The following SMG6 variants were observed in gnomAD, a reference collection of about 807,000 sequenced individuals.
The protein encoded by SMG6 is SMG6 nonsense mediated mRNA decay factor.
A neutral mutation model predicts 142.2 loss-of-function variants in SMG6; 66 were observed. That is an observed-to-expected ratio of 0.46 (90% confidence interval 0.38 to 0.57). SMG6 has a LOEUF of 0.57. SMG6 is among the 20% of genes least tolerant of loss of function. The pLI, the probability that SMG6 is intolerant of heterozygous loss-of-function variation, is 0.00. For missense variants in SMG6, 1,793 were observed against 1,832.0 expected (o/e 0.98, Z 0.39); for synonymous variants, 779 against 702.4 (o/e 1.11, Z -1.72).
intron 13 of SMG6, chr17:2,127,721 C>A (rs2069947166): frequency 7.1e-6 from 4 of 564,618 alleles, no homozygotes; most frequent in Non-Finnish European, 1.4e-5. Flanking sequence ...ATCACTTCAT[C>A]CATTACTTGT....
chr17:2,064,626 A>G (rs2067883823), intron 18 of SMG6, among the ~76,000 whole-genome samples: 1 of 152,104 alleles, frequency 6.6e-6, no homozygotes, highest in African/African-American at 2.4e-5. Flanking sequence ...TGAACAGAGA[A>G]GGTAGGAAGG....
chr17:2,249,957 G>C (rs1015187657), intron 8 of SMG6, among the ~76,000 whole-genome samples: 1 of 152,188 alleles, frequency 6.6e-6, no homozygotes, highest in African/African-American at 2.4e-5. Flanking sequence ...TAAGTAAAAT[G>C]TTTTGGATTG....
chr17:2,061,293 C>A lies in SMG6; in HGVS notation c.*199G>T, dbSNP rs2067766617. 1.8e-6 allele frequency: 1 copy of A among 570,720 alleles called. No homozygotes were observed. The highest frequency in any genetic ancestry group is 3.1e-6 in the Non-Finnish European group (1 of 327,634). The allele number at this position is 570,720 out of a possible 1,614,324, so 35.4% of individuals were successfully genotyped here. A position where few individuals can be genotyped will look rare whatever the true frequency, so the allele number is the denominator to read the frequency against. On this transcript the variant is annotated 3_prime_UTR_variant, in exon 19 of 19. Coordinates refer to ENST00000263073, the MANE Select transcript of SMG6 (RefSeq NM_017575.5). ...TCCTGGCAGCCCAGGAGGGTCCCAG[C>A]AGCTTCCGCCCGATCCTTGGGAGGG... is the stretch of plus-strand genomic sequence containing the variant.
At chr17:2,242,356 CAAAAAA>C (rs57062488) in intron 9 of SMG6, among the ~76,000 whole-genome samples, 3 of 73,510 alleles carry the variant, frequency 4.1e-5, no homozygotes, top group Non-Finnish European at 4.9e-5. Context: ...ACTGAAGATA[CAAAAAA>C]AAAAAAAAAA....
chr17:2,088,604 GGAGA>G (rs2068629147), intron 13 of SMG6: 1 of 985,458 alleles, frequency 1.0e-6, no homozygotes, highest in African/African-American at 1.7e-5. Context: ...CTACCTGTTT[GGAGA>G]GAGAAAGGTT....
intron 13 of SMG6, chr17:2,088,459 A>T (rs1597366697): frequency 1.0e-6 from 1 of 985,266 alleles, no homozygotes; most frequent in African/African-American, 1.7e-5. Context: ...TTAGAAGGAA[A>T]TTGGTTTCCT....
Position 2,224,918 on chromosome 17 carries a change from C to A in SMG6, c.2869+11574G>T, listed in dbSNP as rs368224416. ...TTCAAAAGAGAAACAAAACAGATAGCTGACTTTAATCAACAACAGTGAAAG... is the reference window on the plus strand; with the variant it reads ...TTCAAAAGAGAAACAAAACAGATAGATGACTTTAATCAACAACAGTGAAAG... On this transcript the variant is annotated intron_variant, in intron 10 of 18. Coordinates refer to ENST00000263073, the MANE Select transcript of SMG6 (RefSeq NM_017575.5). Among the ~76,000 whole-genome samples, 184 of 152,286 alleles carry A rather than the reference C, an allele frequency of 1.2e-3. 3 individuals carry two copies. In the South Asian group the frequency reaches 0.037, roughly 31 times the overall value.
At chr17:2,164,551 C>T (rs373880616) in intron 13 of SMG6, among the ~76,000 whole-genome samples, 4 of 151,214 alleles carry the variant, frequency 2.6e-5, no homozygotes, top group Admixed American at 1.3e-4. Context: ...GAGGTTGCAG[C>T]GTGCCGAGAT....
At chr17:2,183,645 T>C (rs1408189641) in intron 12 of SMG6, among the ~76,000 whole-genome samples, 2 of 152,148 alleles carry the variant, frequency 1.3e-5, no homozygotes, top group African/African-American at 4.8e-5. Flanking sequence ...TCATGAGTCA[T>C]GAAATAGTAC....
intron 9 of SMG6, chr17:2,236,939 T>C: frequency 1.4e-6 from 1 of 716,964 alleles, no homozygotes; most frequent in Non-Finnish European, 1.8e-6. Flanking sequence ...GCAATAACTG[T>C]GTTCAAGCTA....
chr17:2,215,788 T>C lies in SMG6; in HGVS notation c.2869+20704A>G, dbSNP rs1458668066. ...GCTTTCAGCTGCCAGCAATGTGAAG[T>C]GCCCAGAGATTAATTCTACGTCTGG... On this transcript the variant is annotated intron_variant, in intron 10 of 18. Coordinates refer to ENST00000263073, the MANE Select transcript of SMG6 (RefSeq NM_017575.5). 7 of 140,564 alleles carry C rather than the reference T, an allele frequency of 5.0e-5. No homozygotes were observed. The East Asian group carries it at 1.4e-3, about 28-fold the overall frequency. 8.7% of individuals were successfully genotyped at this position (140,564 alleles called of 1,614,324 possible).
rs2073485389 is a variant in SMG6, at chr17:2,231,292, T to C, written c.2869+5200A>G. On this transcript the variant is annotated intron_variant, in intron 10 of 18. Transcript: ENST00000263073. ...ACATCCCACACCTACAAGTTAAAGC[T>C]ATCAGTCCTATACAGACAGCTGTAG... Among the ~76,000 whole-genome samples the C allele has an allele frequency of 2.0e-5, 3 of 152,166 alleles. No individual in the cohort carries two copies. In the South Asian group the frequency reaches 6.2e-4, roughly 32 times the overall value.
At chr17:2,286,871 A>G (rs1188333622) in intron 6 of SMG6, among the ~76,000 whole-genome samples, 1 of 152,062 alleles carries the variant, frequency 6.6e-6, no homozygotes, top group Non-Finnish European at 1.5e-5. Context: ...AAGGTCTAGC[A>G]TCCAGAATAT....
chr17:2,298,888 G>T lies in SMG6; in HGVS notation c.1847+18C>A. On this transcript the variant is annotated intron_variant, in intron 2 of 18. Coordinates refer to ENST00000263073, the MANE Select transcript of SMG6 (RefSeq NM_017575.5). ...GCTGATCCCCATTTCCCTCCAGCCA[G>T]AATAGACCACATCATACCTGAGTTG... The T allele has an allele frequency of 6.2e-7, 1 of 1,602,858 alleles. No individual in the cohort carries two copies. Among genetic ancestry groups the T allele is most frequent in the South Asian group, 1.1e-5 (1 of 89,174 alleles).
rs987151703 is a variant in SMG6, at chr17:2,292,747, G to C, written c.2259-117C>G. ...GAGTGTTAGATGTAACCCTGGAGGG[G>C]TAAGGCATGACTACAGGGACCAATA... On this transcript the variant is annotated intron_variant, in intron 5 of 18. Coordinates refer to ENST00000263073, the MANE Select transcript of SMG6 (RefSeq NM_017575.5). 8.4e-6 allele frequency: 12 copies of C among 1,433,204 alleles called. No homozygotes were observed. The Admixed American group carries it at 2.1e-4, about 25-fold the overall frequency. 88.8% of individuals were successfully genotyped at this position (1,433,204 alleles called of 1,614,324 possible).
At chr17:2,200,940 T>C (rs1212552116) in intron 10 of SMG6, among the ~76,000 whole-genome samples, 1 of 152,212 alleles carries the variant, frequency 6.6e-6, no homozygotes, top group African/African-American at 2.4e-5. Flanking sequence ...ATTATTTATT[T>C]TTTAATTGGC....
At chr17:2,204,808 C>T (rs1280164148) in intron 10 of SMG6, among the ~76,000 whole-genome samples, 1 of 152,070 alleles carries the variant, frequency 6.6e-6, no homozygotes, top group Non-Finnish European at 1.5e-5. Flanking sequence ...ATTAAAAATA[C>T]AAAAATGAGC....
intron 8 of SMG6, among the ~76,000 whole-genome samples, chr17:2,246,982 G>C (rs983551659): frequency 6.6e-6 from 1 of 151,958 alleles, no homozygotes; most frequent in Non-Finnish European, 1.5e-5. Context: ...AAAAACACTA[G>C]AATACAAGAG....
rs191491402 is a variant in SMG6 at position 2,111,411 on chromosome 17, C to T, written c.3358-25510G>A. On this transcript the variant is annotated intron_variant, in intron 13 of 18. Coordinates refer to ENST00000263073, the MANE Select transcript of SMG6 (RefSeq NM_017575.5). ...AAAAAAGAGAGGTCCTTTCTTATCTCGCTCAAAGAGGTCCTCTGAGATCAC... is the reference window on the plus strand; with the variant it reads ...AAAAAAGAGAGGTCCTTTCTTATCTTGCTCAAAGAGGTCCTCTGAGATCAC... Among the ~76,000 whole-genome samples, 645 of 152,198 alleles carry T rather than the reference C, an allele frequency of 4.2e-3. 3 individuals carry two copies. Among genetic ancestry groups the T allele is most frequent in the Non-Finnish European group, 7.6e-3 (518 of 68,008 alleles).
Sources: allele counts gnomAD v4.1 joint callset (sites outside exome capture counted in the v4.1 genomes callset), GRCh38; gene constraint gnomAD v4.1.1; transcripts MANE v1.5; gene names NCBI Gene and HGNC (gene_info 2026-07-23, HGNC 2026-07-21).